Variants in TSPAN14 observed in about 807,000 individuals in gnomAD.
TSPAN14 encodes the protein tetraspanin 14, also known as tetraspanin-14.
Under a neutral mutation model 36.6 loss-of-function variants are expected in TSPAN14, and 16 were observed. That is an observed-to-expected ratio of 0.44 (90% CI 0.30 to 0.66). TSPAN14 has a LOEUF of 0.66. TSPAN14 is among the 30% of genes least tolerant of loss of function. The pLI is 0.12. For synonymous variants in TSPAN14, 139 were observed against 143.8 expected, an observed-to-expected ratio of 0.97 and a Z score of 0.24; for missense variants, 231 against 355.1, an observed-to-expected ratio of 0.65 and a Z score of 2.81.
chr10:80,469,825 G>A (rs1332369001), intron 1 of TSPAN14, among the ~76,000 whole-genome samples: 2 of 151,888 alleles, frequency 1.3e-5, no homozygotes, highest in Non-Finnish European at 2.9e-5. Context: ...GCCCTGGGGT[G>A]GGCTGGAAAG....
intron 3 of TSPAN14, among the ~76,000 whole-genome samples, chr10:80,506,321 C>A (rs542371291): frequency 2.0e-5 from 3 of 152,244 alleles, no homozygotes; most frequent in Non-Finnish European, 2.9e-5. Context: ...TTAGTTGAGG[C>A]GGTCTTTTTC....
chr10:80,500,603 G>A (rs1475038713), intron 2 of TSPAN14, among the ~76,000 whole-genome samples: 2 of 152,084 alleles, frequency 1.3e-5, no homozygotes, highest in African/African-American at 4.8e-5. Flanking sequence ...CCCAGCACTC[G>A]GCCTCCCAAA....
In TSPAN14 at chr10:80,509,762, T is replaced by A. The variant is rs1160146750; in HGVS notation, c.450+291T>A. 2.5e-6 allele frequency: 1 copy of A among 398,234 alleles called. No individual in the cohort carries two copies. The highest frequency in any genetic ancestry group is 2.0e-5 in the African/African-American group (1 of 49,022). 24.7% of individuals were successfully genotyped at this position (398,234 alleles called of 1,614,324 possible). ...CCCTCCTCTTTCGGCCCCAGATCTT[T>A]CCAATCCTGCCCAATAGCCATACCA... On this transcript the variant is annotated intron_variant, in intron 5 of 8. Coordinates refer to ENST00000429989, the Ensembl canonical transcript of TSPAN14. This position sits in a 1 kb window ranked among gnomAD's most constrained non-coding sequence, Gnocchi z 4.7.
At chr10:80,476,540 C>T (rs753435563) in intron 1 of TSPAN14, among the ~76,000 whole-genome samples, 222 of 151,212 alleles carry the variant, frequency 1.5e-3, no homozygotes, top group African/African-American at 4.8e-3. Flanking sequence ...CTCAGCCTCC[C>T]GAGTAGCTGG....
At chr10:80,510,823 G>A (rs544941434) in intron 5 of TSPAN14, among the ~76,000 whole-genome samples, 8 of 152,126 alleles carry the variant, frequency 5.3e-5, no homozygotes, top group Non-Finnish European at 7.4e-5. Context: ...GCAGTGAGCC[G>A]AGATCACGCC....
At chr10:80,454,764 C>T (rs1460716033) in intron 1 of TSPAN14, among the ~76,000 whole-genome samples, 1 of 152,212 alleles carries the variant, frequency 6.6e-6, no homozygotes, top group African/African-American at 2.4e-5. Context: ...GGCTCTGCTT[C>T]TCGTCCCCAG....
intron 1 of TSPAN14, among the ~76,000 whole-genome samples, chr10:80,461,691 C>T (rs1441315327): frequency 1.3e-5 from 2 of 151,994 alleles, no homozygotes; most frequent in Non-Finnish European, 2.9e-5. Context: ...GTGGCAAAGG[C>T]AGGTGCCAGG....
intron 1 of TSPAN14, among the ~76,000 whole-genome samples, chr10:80,480,369 T>C (rs1303526008): frequency 4.6e-5 from 7 of 152,230 alleles, no homozygotes; most frequent in Admixed American, 1.3e-4. Flanking sequence ...CCAGTCAGTG[T>C]GGCGATTCCT....
chr10:80,459,943 G>A (rs1300023287), intron 1 of TSPAN14, among the ~76,000 whole-genome samples: 1 of 152,144 alleles, frequency 6.6e-6, no homozygotes, highest in Admixed American at 6.5e-5. Context: ...GGCTTGTTAG[G>A]GGAGGTCAGC....
intron 1 of TSPAN14, among the ~76,000 whole-genome samples, chr10:80,486,025 A>T (rs960549996): frequency 1.2e-4 from 18 of 152,320 alleles, no homozygotes; most frequent in African/African-American, 4.3e-4. Flanking sequence ...CTTCCTAGTT[A>T]TTCCGCAGTG....
In TSPAN14 at chr10:80,509,342, T is replaced by C. The variant is rs776448824; in HGVS notation, c.321T>C (p.Ala107=). 1.2e-5 allele frequency: 19 copies of C among 1,614,038 alleles called. No individual in the cohort carries two copies. The East Asian group carries it at 3.8e-4, about 32-fold the overall frequency. ...TGCTCATCTTCTTCCTGGAGCTGGC[T>C]GTGGCCGTGCTGGCCTTCCTGTTCC... The change falls in exon 5 of 9, where the codon GCT becomes GCC. Residue 107 remains alanine (A), a synonymous_variant. Transcript: ENST00000429989. This position sits in a 1 kb window ranked among gnomAD's most constrained non-coding sequence, Gnocchi z 4.7.
intron 2 of TSPAN14, among the ~76,000 whole-genome samples, chr10:80,490,241 G>A (rs1261077047): frequency 1.3e-5 from 2 of 152,196 alleles, no homozygotes; most frequent in African/African-American, 4.8e-5. Context: ...CTCATAGCCA[G>A]CCTCAGGGAG....
At position 80,512,147 on chromosome 10, in the gene TSPAN14, C is replaced by CA; in HGVS notation, c.455dup (p.Cys153ValfsTer8). ...GTTCTGGCTTTTGTGGTTGCAGAACCAGTGCTGTGGCGCATATGGCCCTGA... is the reference window on the plus strand; with the variant it reads ...GTTCTGGCTTTTGTGGTTGCAGAACCAAGTGCTGTGGCGCATATGGCCCTGA... On this transcript the variant is annotated frameshift_variant, in exon 6 of 9. Transcript: ENST00000429989. LOFTEE classifies it high-confidence loss of function. 1 of 1,614,160 alleles carries CA rather than the reference C, an allele frequency of 6.2e-7. No homozygotes were observed. Among genetic ancestry groups the CA allele is most frequent in the Non-Finnish European group, 8.5e-7 (1 of 1,180,010 alleles).
exon 9 of TSPAN14, chr10:80,520,381 T>C (rs1878036): frequency 7.6e-5 from 30 of 393,770 alleles, no homozygotes; most frequent in Non-Finnish European, 1.4e-4. Flanking sequence ...TGAGAGCCGG[T>C]CACGTGGCAG....
rs371184537 is a variant in TSPAN14 at position 80,517,888 on chromosome 10, G to T, written c.742-17G>T. 92 of 1,558,050 alleles carry T rather than the reference G, an allele frequency of 5.9e-5. No homozygotes were observed. In the African/African-American group the frequency reaches 1.1e-3, roughly 18 times the overall value. On this transcript the variant is annotated splice_polypyrimidine_tract_variant and intron_variant, in intron 8 of 8. Coordinates refer to ENST00000429989, the Ensembl canonical transcript of TSPAN14. ...GGCCCCAGCAATGGCCGCTGACTCT[G>T]CTGGTGTTGGTTTCAGATATTTGGC...
intron 1 of TSPAN14, among the ~76,000 whole-genome samples, chr10:80,464,392 G>A (rs370420107): frequency 6.6e-6 from 1 of 152,202 alleles, no homozygotes; most frequent in African/African-American, 2.4e-5. Flanking sequence ...AATGGGGTAC[G>A]GTTCTTCCTG....
chr10:80,502,354 C>A (rs978035644), intron 2 of TSPAN14, among the ~76,000 whole-genome samples: 4 of 152,210 alleles, frequency 2.6e-5, no homozygotes, highest in Admixed American at 2.0e-4. Flanking sequence ...TGCAGAGTTT[C>A]GAGGAGGGGA....
chr10:80,510,600 C>A (rs931212348), intron 5 of TSPAN14, among the ~76,000 whole-genome samples: 1 of 152,194 alleles, frequency 6.6e-6, no homozygotes, highest in Non-Finnish European at 1.5e-5. Flanking sequence ...TCTGGCCGGG[C>A]GCGGTGACTC....
chr10:80,473,683 G>A (rs61859246), intron 1 of TSPAN14, among the ~76,000 whole-genome samples: 1 of 137,656 alleles, frequency 7.3e-6, no homozygotes, highest in African/African-American at 2.8e-5. Context: ...CCACCATGAT[G>A]GGTTTTTTTT....
Sources: allele counts gnomAD v4.1 joint callset (sites outside exome capture counted in the v4.1 genomes callset), GRCh38; gene constraint gnomAD v4.1.1; non-coding constraint Gnocchi (gnomAD v3.1); transcripts MANE v1.5; gene names NCBI Gene and HGNC (gene_info 2026-07-23, HGNC 2026-07-21).